NBAS: variants seen among roughly 807,000 people sequenced by gnomAD.
The protein encoded by NBAS is NAG/BC035112 fusion.
A neutral mutation model predicts 302.5 loss-of-function variants in NBAS; 219 were observed. The observed-to-expected ratio is 0.72, with a 90% CI of 0.65 to 0.81. The LOEUF (loss-of-function observed/expected upper bound fraction) is 0.81. Ranked by LOEUF, NBAS falls within the 30% of genes least tolerant of loss-of-function variation. NBAS has a pLI of 0.00. For missense variants in NBAS, 2,932 were observed against 2,841.6 expected (o/e 1.03, Z -0.72); for synonymous variants, 1,118 against 1,021.6 (o/e 1.09, Z -1.80).
intron 48 of NBAS, among the ~76,000 whole-genome samples, chr2:15,208,446 C>T (rs1385188780): frequency 6.6e-6 from 1 of 152,142 alleles, no homozygotes; most frequent in Non-Finnish European, 1.5e-5. Context: ...GGCCCCAATA[C>T]ATAATAGCTG....
chr2:15,214,843 C>T (rs1666581439), intron 48 of NBAS, among the ~76,000 whole-genome samples: 1 of 152,046 alleles, frequency 6.6e-6, no homozygotes, highest in African/African-American at 2.4e-5. Context: ...TCAAAGTAGG[C>T]AAAATACATG....
intron 31 of NBAS, among the ~76,000 whole-genome samples, chr2:15,372,492 C>A (rs1674534297): frequency 6.6e-6 from 1 of 152,132 alleles, no homozygotes; most frequent in Non-Finnish European, 1.5e-5. Context: ...AATACCTAAA[C>A]CATAAATTTC....
chr2:15,330,735 C>T lies in NBAS; in HGVS notation c.4210G>A (p.Ala1404Thr), dbSNP rs1268457533. 1.9e-6 allele frequency: 3 copies of T among 1,613,966 alleles called. No individual in the cohort carries two copies. In the South Asian group the frequency reaches 3.3e-5, roughly 18 times the overall value. ...DEVGVPGSNS[A>T]DLLRWTTATT... is the part of the protein sequence containing the mutation. Reference sequence around the variant, plus strand: ...GCAGTGGTCCAGCGCAATAGGTCAGCTGAATTGCTACCTGGAACACCTACT... The same window carrying T: ...GCAGTGGTCCAGCGCAATAGGTCAGTTGAATTGCTACCTGGAACACCTACT... The change falls in exon 36 of 52, where the codon GCT (alanine) becomes ACT (threonine). Residue 1404 changes from alanine (A) to threonine (T), a missense_variant. Coordinates refer to ENST00000281513, the MANE Select transcript of NBAS (RefSeq NM_015909.4).
In NBAS at chr2:15,518,766, G is replaced by C. The variant is rs559472452; in HGVS notation, c.747-7416C>G. ...ATTGGACATACAGCTCCACATGGCT[G>C]GGGAGGCCTCATAATCATGGTGGAA... On this transcript the variant is annotated intron_variant, in intron 9 of 51. Transcript: ENST00000281513. Among the ~76,000 whole-genome samples, 7 of 152,240 alleles carry C rather than the reference G, an allele frequency of 4.6e-5. No individual in the cohort carries two copies. In the South Asian group the frequency reaches 1.5e-3, roughly 32 times the overall value.
Position 15,260,094 on chromosome 2 carries a change from C to G in NBAS, c.5724+15390G>C, listed in dbSNP as rs529687926. 1.1e-4 allele frequency among the ~76,000 whole-genome samples: 16 copies of G among 152,234 alleles called. No homozygotes were observed. In the East Asian group the frequency reaches 2.9e-3, roughly 27 times the overall value. On this transcript the variant is annotated intron_variant, in intron 44 of 51. Transcript: ENST00000281513. ...TCACATATGTTGTATACAAATAGAG[C>G]TATGTTACAGTTTTACTTTAAATGT...
At chr2:14,817,267 C>G in the NBAS span, among the ~76,000 whole-genome samples, 1 of 152,216 alleles carries the variant, frequency 6.6e-6, no homozygotes, top group Non-Finnish European at 1.5e-5. Flanking sequence ...CTATTCAGTA[C>G]TTACCTCTAC....
intron 35 of NBAS, among the ~76,000 whole-genome samples, chr2:15,338,378 A>T (rs1413578361): frequency 6.6e-6 from 1 of 152,196 alleles, no homozygotes; most frequent in Non-Finnish European, 1.5e-5. Context: ...CCTAACCCTT[A>T]CTTATAGCAA....
chr2:15,083,261 C>T, the NBAS span, among the ~76,000 whole-genome samples: 2 of 152,230 alleles, frequency 1.3e-5, no homozygotes, highest in Non-Finnish European at 2.9e-5. Context: ...CGCAACAGTG[C>T]TCCTGAACTA....
the NBAS span, among the ~76,000 whole-genome samples, chr2:14,867,493 G>A: frequency 2.0e-5 from 3 of 152,170 alleles, no homozygotes; most frequent in African/African-American, 7.2e-5. Context: ...GGCAAGGTCT[G>A]TATTTTAAAT....
At chr2:14,941,119 A>C in the NBAS span, among the ~76,000 whole-genome samples, 1 of 152,222 alleles carries the variant, frequency 6.6e-6, no homozygotes, top group Non-Finnish European at 1.5e-5. Flanking sequence ...TTTGTTATGT[A>C]GTAAGTGTCT....
chr2:15,306,924 C>T (rs1671058363), intron 40 of NBAS, among the ~76,000 whole-genome samples: 1 of 152,202 alleles, frequency 6.6e-6, no homozygotes, highest in Non-Finnish European at 1.5e-5. Context: ...TCTCCTGCTC[C>T]TCTCAGCAAT....
the NBAS span, among the ~76,000 whole-genome samples, chr2:15,070,376 G>T: frequency 1.3e-5 from 2 of 152,152 alleles, no homozygotes; most frequent in East Asian, 1.9e-4. Flanking sequence ...CATGGAGGCT[G>T]CAGGACCCCA....
chr2:14,933,055 G>T, the NBAS span, among the ~76,000 whole-genome samples: 1 of 152,212 alleles, frequency 6.6e-6, no homozygotes, highest in African/African-American at 2.4e-5. Context: ...AGTAAAGTGT[G>T]AAAGCTGCAG....
At chr2:14,859,310 T>C in the NBAS span, among the ~76,000 whole-genome samples, 1 of 151,966 alleles carries the variant, frequency 6.6e-6, no homozygotes, top group Non-Finnish European at 1.5e-5. Context: ...CTGATGACAT[T>C]CTTCACTGAA....
chr2:15,138,589 G>A, the NBAS span, among the ~76,000 whole-genome samples: 6 of 152,024 alleles, frequency 3.9e-5, no homozygotes, highest in Admixed American at 6.5e-5. Flanking sequence ...CCTGGGTCAC[G>A]CACCTGAGAA....
the NBAS span, among the ~76,000 whole-genome samples, chr2:15,071,624 CAAAAAAA>C: frequency 1.3e-5 from 1 of 75,024 alleles, no homozygotes; most frequent in Admixed American, 1.5e-4. Flanking sequence ...ACTCCATCTC[CAAAAAAA>C]AAAAAAAAAA....
chr2:15,040,372 G>A, the NBAS span, among the ~76,000 whole-genome samples: 13 of 152,246 alleles, frequency 8.5e-5, no homozygotes, highest in South Asian at 8.3e-4. Context: ...TCTGATTACC[G>A]CAAGATTGTT....
At chr2:15,352,840 GTTTTTTTCTATCTA>G (rs1447991267) in intron 34 of NBAS, among the ~76,000 whole-genome samples, 1 of 152,046 alleles carries the variant, frequency 6.6e-6, no homozygotes, top group Non-Finnish European at 1.5e-5. Context: ...AGTTTCAGGG[GTTTTTTTCTATCTA>G]TAGGGAAACT....
intron 11 of NBAS, among the ~76,000 whole-genome samples, chr2:15,502,055 T>A (rs1413747953): frequency 6.6e-6 from 1 of 152,226 alleles, no homozygotes; most frequent in East Asian, 1.9e-4. Flanking sequence ...TTTCTGTTTC[T>A]TCCAAATTAC....
Sources: allele counts gnomAD v4.1 joint callset (sites outside exome capture counted in the v4.1 genomes callset), GRCh38; gene constraint gnomAD v4.1.1; transcripts MANE v1.5; gene names NCBI Gene and HGNC (gene_info 2026-07-23, HGNC 2026-07-21).